DMRT1: variants seen among roughly 807,000 people sequenced by gnomAD.
The protein encoded by DMRT1 is doublesex and mab-3 related transcription factor 1.
DMRT1 carries 7 observed loss-of-function variants against 32.3 expected under a neutral mutation model. That is an observed-to-expected ratio of 0.22 (90% CI 0.12 to 0.41). DMRT1 has a LOEUF of 0.41. DMRT1 is among the 10% of genes least tolerant of loss of function. DMRT1 has a pLI of 1.00. For synonymous variants in DMRT1, 278 were observed against 206.1 expected (o/e 1.35, Z -2.99); for missense variants, 625 against 500.5 (o/e 1.25, Z -2.37).
intron 2 of DMRT1, among the ~76,000 whole-genome samples, chr9:876,147 G>A (rs539537544): frequency 4.6e-5 from 7 of 152,176 alleles, no homozygotes; most frequent in Non-Finnish European, 8.8e-5. Context: ...ACCTGGTTCC[G>A]AGTAGCTTGT....
intron 4 of DMRT1, among the ~76,000 whole-genome samples, chr9:949,728 C>G (rs1009402655): frequency 6.6e-6 from 1 of 152,188 alleles, no homozygotes; most frequent in African/African-American, 2.4e-5. Context: ...TTTTCCCTTT[C>G]TCTCAGGCCC....
intron 4 of DMRT1, among the ~76,000 whole-genome samples, chr9:928,707 T>G (rs542069739): frequency 6.6e-6 from 1 of 152,170 alleles, no homozygotes; most frequent in Non-Finnish European, 1.5e-5. Context: ...TATTAAGATT[T>G]CGAGATAAAA....
chr9:900,234 G>T (rs1298021665), intron 3 of DMRT1, among the ~76,000 whole-genome samples: 3 of 152,184 alleles, frequency 2.0e-5, no homozygotes, highest in African/African-American at 7.2e-5. Flanking sequence ...CCCCTTGTGA[G>T]TGTTCCTGGC....
Position 872,251 on chromosome 9 carries a change from T to C in DMRT1, c.539-21661T>C, listed in dbSNP as rs1005431367. ...TAATTTTTTGTATTTTTAGTAGAGA[T>C]AGGGTTTCACCATGTTGGCCAGGCT... On this transcript the variant is annotated intron_variant, in intron 2 of 4. Coordinates refer to ENST00000382276, the MANE Select transcript of DMRT1 (RefSeq NM_021951.3). 1.9e-3 allele frequency among the ~76,000 whole-genome samples: 273 copies of C among 145,954 alleles called. 16 individuals are homozygous for C. Among genetic ancestry groups the C allele is most frequent in the African/African-American group, 7.0e-3 (252 of 35,942 alleles).
chr9:872,207 G>A (rs919328437), intron 2 of DMRT1, among the ~76,000 whole-genome samples: 4 of 151,106 alleles, frequency 2.6e-5, no homozygotes, highest in South Asian at 2.1e-4. Context: ...GATTACAGGC[G>A]CCCGCCACCA....
intron 4 of DMRT1, among the ~76,000 whole-genome samples, chr9:953,032 G>A (rs796386009): frequency 6.6e-6 from 1 of 152,160 alleles, no homozygotes; most frequent in Admixed American, 6.5e-5. Flanking sequence ...TCTTTGAAAT[G>A]TGTAGAGACT....
intron 2 of DMRT1, among the ~76,000 whole-genome samples, chr9:854,029 T>G (rs1329868563): frequency 6.6e-6 from 1 of 151,892 alleles, no homozygotes; most frequent in African/African-American, 2.4e-5. Context: ...CTTGAACTCC[T>G]GGCTTCCAGC....
chr9:860,730 A>G (rs1182665866), intron 2 of DMRT1, among the ~76,000 whole-genome samples: 8 of 152,222 alleles, frequency 5.3e-5, no homozygotes, highest in Non-Finnish European at 1.2e-4. Context: ...TGTTTTAAAT[A>G]GGGTGGTCAA....
In DMRT1 at chr9:958,802, G is replaced by A. The variant is rs1819677336; in HGVS notation, c.968-9183G>A. 6.6e-5 allele frequency among the ~76,000 whole-genome samples: 10 copies of A among 152,370 alleles called. No individual in the cohort carries two copies. The South Asian group carries it at 2.1e-3, about 32-fold the overall frequency. On this transcript the variant is annotated intron_variant, in intron 4 of 4. Coordinates refer to ENST00000382276, the MANE Select transcript of DMRT1 (RefSeq NM_021951.3). ...TAAAGTGAAAGGCTAACTGCAGTTT[G>A]TGGATTAGATAGGAAACCAAGCTCA...
chr9:844,462 G>C (rs1047902899), intron 1 of DMRT1, among the ~76,000 whole-genome samples: 13 of 152,098 alleles, frequency 8.5e-5, no homozygotes, highest in African/African-American at 3.1e-4. Flanking sequence ...TCAGAGGTTT[G>C]CAGGGGTTTA....
intron 3 of DMRT1, among the ~76,000 whole-genome samples, chr9:909,473 G>A (rs1817895182): frequency 6.6e-6 from 1 of 152,062 alleles, no homozygotes; most frequent in Non-Finnish European, 1.5e-5. Context: ...TTGGGAACAG[G>A]CATCCCATTT....
chr9:841,915 G>A lies in DMRT1; in HGVS notation c.77G>A (p.Gly26Asp). The change falls in exon 1 of 5, where the codon GGC becomes GAC. Residue 26 changes from glycine (G) to aspartate (D), a missense_variant. By Grantham distance (94) the Gly-to-Asp change is moderately conservative. Around this residue, in one of 3 missense-constraint regions of DMRT1, gnomAD observed 201 missense variants for 152.0 expected, o/e 1.32. Transcript: ENST00000382276. Reference protein sequence around the residue: ...APHAPGVPPQGRAGGFGKASG... With the variant: ...APHAPGVPPQDRAGGFGKASG... ...CACGCCCCCGGGGTACCGCCGCAGG[G>A]CAGAGCCGGGGGCTTTGGCAAAGCG... 2 of 1,609,206 alleles carry A rather than the reference G, an allele frequency of 1.2e-6. No homozygotes were observed. The highest frequency in any genetic ancestry group is 1.7e-6 in the Non-Finnish European group (2 of 1,177,890).
intron 4 of DMRT1, among the ~76,000 whole-genome samples, chr9:956,210 C>G (rs993992785): frequency 6.6e-6 from 1 of 152,118 alleles, no homozygotes; most frequent in East Asian, 1.9e-4. Flanking sequence ...ATATGAGGTA[C>G]CTACAGTAGT....
chr9:908,667 C>T (rs1817866041), intron 3 of DMRT1, among the ~76,000 whole-genome samples: 1 of 150,586 alleles, frequency 6.6e-6, no homozygotes, highest in Non-Finnish European at 1.5e-5. Context: ...TCCTTTGGTT[C>T]TTTTTTTTTG....
At chr9:875,935 A>G (rs940991929) in intron 2 of DMRT1, among the ~76,000 whole-genome samples, 3 of 152,166 alleles carry the variant, frequency 2.0e-5, no homozygotes, top group African/African-American at 7.2e-5. Context: ...GTCTCTGGCC[A>G]AAAAGAGGTG....
rs180732842 is a variant in DMRT1, at chr9:866,919, G to A, written c.538+19776G>A. Among the ~76,000 whole-genome samples the A allele has an allele frequency of 2.4e-3, 371 of 152,176 alleles. 1 individual carries two copies. Among genetic ancestry groups the A allele is most frequent in the Non-Finnish European group, 3.6e-3 (243 of 68,018 alleles). On this transcript the variant is annotated intron_variant, in intron 2 of 4. Transcript: ENST00000382276. ...CCTTTTTGTGTGGCTTTGAATAAGC[G>A]GCCTTATTGGTTTGGGGTTGTTAGC...
intron 3 of DMRT1, among the ~76,000 whole-genome samples, chr9:900,915 A>G (rs184078295): frequency 5.0e-4 from 76 of 151,874 alleles, no homozygotes; most frequent in African/African-American, 1.8e-3. Flanking sequence ...CTGGTCTTAA[A>G]CTTTTGGCTC....
chr9:954,932 G>T (rs1007998014), intron 4 of DMRT1, among the ~76,000 whole-genome samples: 2 of 152,158 alleles, frequency 1.3e-5, no homozygotes, highest in African/African-American at 4.8e-5. Context: ...GAGCCACTCC[G>T]CCTGGCCGTT....
intron 4 of DMRT1, among the ~76,000 whole-genome samples, chr9:944,162 C>T (rs573887460): frequency 2.0e-5 from 3 of 152,308 alleles, no homozygotes; most frequent in Admixed American, 6.5e-5. Context: ...AATAGTGTTT[C>T]TAAAGGGCTT....
Sources: allele counts gnomAD v4.1 joint callset (sites outside exome capture counted in the v4.1 genomes callset), GRCh38; gene constraint gnomAD v4.1.1; regional missense constraint gnomAD v4.1.1; transcripts MANE v1.5; gene names NCBI Gene and HGNC (gene_info 2026-07-23, HGNC 2026-07-21).